BRINP1: variants seen among roughly 807,000 people sequenced by gnomAD.
The protein encoded by BRINP1 is BMP/retinoic acid inducible neural specific 1, also known as BMP/retinoic acid-inducible neural-specific protein 1.
Under a neutral mutation model 72.9 loss-of-function variants are expected in BRINP1, and 17 were observed. The ratio of observed to expected loss-of-function variants is 0.23; its 90% CI spans 0.16 to 0.35. BRINP1 has a LOEUF of 0.35. Among genes scored for constraint, BRINP1 ranks in the 10% least tolerant of loss-of-function variants. BRINP1 has a pLI of 1.00. For missense variants in BRINP1, 850 were observed against 1,001.6 expected (o/e 0.85, Z 2.04); for synonymous variants, 418 against 378.5 (o/e 1.10, Z -1.21).
chr9:119,338,632 G>T (rs964404875), intron 1 of BRINP1, among the ~76,000 whole-genome samples: 1 of 150,996 alleles, frequency 6.6e-6, no homozygotes, highest in Non-Finnish European at 1.5e-5. Context: ...CAGCACTTTG[G>T]GAGGCCGAGG....
At chr9:119,239,570 A>G (rs1830226589) in intron 4 of BRINP1, among the ~76,000 whole-genome samples, 1 of 152,190 alleles carries the variant, frequency 6.6e-6, no homozygotes, top group African/African-American at 2.4e-5. Context: ...GCATTCAGCT[A>G]TAAAAACACA....
Position 119,229,033 on chromosome 9 carries a change from T to C in BRINP1, c.685+9622A>G, listed in dbSNP as rs78898563. 3.2e-3 allele frequency among the ~76,000 whole-genome samples: 486 copies of C among 152,282 alleles called. 1 individual carries two copies. The highest frequency in any genetic ancestry group is 5.1e-3 in the Non-Finnish European group (348 of 67,994). On this transcript the variant is annotated intron_variant, in intron 5 of 7. Transcript: ENST00000265922. Reference sequence around the variant, plus strand: ...TTGAAGTTGCCAAGTACACTTTTTATGTATATGTATTTGGTTTAATCCCCT... The same window carrying C: ...TTGAAGTTGCCAAGTACACTTTTTACGTATATGTATTTGGTTTAATCCCCT...
chr9:119,272,886 T>A (rs1015496779), intron 2 of BRINP1, among the ~76,000 whole-genome samples: 1 of 152,210 alleles, frequency 6.6e-6, no homozygotes, highest in East Asian at 1.9e-4. Flanking sequence ...CTAAGTCTTG[T>A]GTAGGTCCTT....
intron 2 of BRINP1, among the ~76,000 whole-genome samples, chr9:119,296,256 A>T (rs984952192): frequency 6.6e-6 from 1 of 152,232 alleles, no homozygotes; most frequent in Non-Finnish European, 1.5e-5. Context: ...TTTCTCAAGA[A>T]GACATACAAA....
At chr9:119,270,113 T>G (rs1350052309) in intron 2 of BRINP1, among the ~76,000 whole-genome samples, 1 of 151,822 alleles carries the variant, frequency 6.6e-6, no homozygotes, top group East Asian at 2.0e-4. Flanking sequence ...GGTTGGCACT[T>G]GGTGAAAGAG....
intron 7 of BRINP1, among the ~76,000 whole-genome samples, chr9:119,184,756 T>C (rs1443178392): frequency 2.0e-5 from 3 of 152,088 alleles, no homozygotes; most frequent in Non-Finnish European, 4.4e-5. Context: ...CATTAAGTAA[T>C]CTGCTTGCAG....
intron 5 of BRINP1, among the ~76,000 whole-genome samples, chr9:119,215,551 A>G (rs779403490): frequency 9.9e-5 from 15 of 152,094 alleles, no homozygotes; most frequent in Non-Finnish European, 1.9e-4. Flanking sequence ...TGCTTCAGGG[A>G]CACTCCTTAA....
chr9:119,338,730 A>AAAAG (rs1554756002), intron 1 of BRINP1, among the ~76,000 whole-genome samples: 6 of 150,852 alleles, frequency 4.0e-5, no homozygotes, highest in African/African-American at 1.5e-4. Context: ...AAAAAAAAAA[A>AAAAG]AAGAAGAAGA....
intron 7 of BRINP1, among the ~76,000 whole-genome samples, chr9:119,169,263 T>C (rs1006385939): frequency 2.0e-5 from 3 of 152,162 alleles, no homozygotes; most frequent in Non-Finnish European, 2.9e-5. Flanking sequence ...CGCAGGTCAT[T>C]GGGTGCACGC....
intron 2 of BRINP1, among the ~76,000 whole-genome samples, chr9:119,249,557 T>TTGGAATATATATAGTTTATATA (rs1189635900): frequency 6.6e-6 from 1 of 152,064 alleles, no homozygotes; most frequent in Non-Finnish European, 1.5e-5. Flanking sequence ...TCCAAGAATA[T>TTGGAATATATATAGTTTATATA]CATGTCTAAG....
At chr9:119,199,578 G>C (rs1249892041) in intron 7 of BRINP1, among the ~76,000 whole-genome samples, 1 of 152,040 alleles carries the variant, frequency 6.6e-6, no homozygotes, top group Non-Finnish European at 1.5e-5. Flanking sequence ...AGAAATCAAA[G>C]ACCAAGCATC....
chr9:119,262,051 A>C (rs1448890960), intron 2 of BRINP1, among the ~76,000 whole-genome samples: 1 of 152,206 alleles, frequency 6.6e-6, no homozygotes, highest in East Asian at 1.9e-4. Context: ...TATATGGGCC[A>C]GGCACTTTGC....
intron 2 of BRINP1, among the ~76,000 whole-genome samples, chr9:119,297,649 CT>C (rs1830894241): frequency 6.6e-6 from 1 of 152,034 alleles, no homozygotes; most frequent in Non-Finnish European, 1.5e-5. Context: ...TTTCAACTTC[CT>C]TCTTGGTTCT....
chr9:119,250,164 A>G (rs1229519051), intron 2 of BRINP1, among the ~76,000 whole-genome samples: 1 of 151,502 alleles, frequency 6.6e-6, no homozygotes, highest in Non-Finnish European at 1.5e-5. Context: ...GAGGGTGAGA[A>G]GGAGGATATA....
intron 1 of BRINP1, among the ~76,000 whole-genome samples, chr9:119,324,239 T>C (rs1429578175): frequency 1.3e-5 from 2 of 152,082 alleles, no homozygotes; most frequent in Non-Finnish European, 2.9e-5. Flanking sequence ...GAATTTCTAG[T>C]GTACTTGTTT....
chr9:119,305,826 A>G (rs1318219071), intron 2 of BRINP1, among the ~76,000 whole-genome samples: 1 of 152,172 alleles, frequency 6.6e-6, no homozygotes, highest in East Asian at 1.9e-4. Flanking sequence ...GAAGGGATCA[A>G]TGATTTCTTC....
chr9:119,268,861 C>T (rs750985306), intron 2 of BRINP1, among the ~76,000 whole-genome samples: 1 of 152,200 alleles, frequency 6.6e-6, no homozygotes, highest in African/African-American at 2.4e-5. Flanking sequence ...TCCCATCCAA[C>T]AAGACCAAAA....
At chr9:119,363,455 A>G (rs903681246) in intron 1 of BRINP1, among the ~76,000 whole-genome samples, 3 of 152,146 alleles carry the variant, frequency 2.0e-5, no homozygotes, top group African/African-American at 7.2e-5. Context: ...ACAAAATTAC[A>G]TGGCTGATTC....
At position 119,167,250 on chromosome 9, in the gene BRINP1, G is replaced by A; in HGVS notation, c.2120C>T (p.Ala707Val). Residue 707 changes from alanine to valine, a missense_variant, in exon 8 of 8, where the codon GCC becomes GTC. By Grantham distance (64) the Ala-to-Val change is moderately conservative (BLOSUM62 0). Coordinates refer to ENST00000265922, the MANE Select transcript of BRINP1 (RefSeq NM_014618.3). The surrounding 1 kb of genome is among the most constrained non-coding windows in gnomAD (Gnocchi z 4.3). ...LDIRDRINRL[A>V]PPVAPGKPQL... ...GGGTTTCCCCGGGGCCACAGGAGGG[G>A]CCAGGCGATTAATTCGGTCCCGAAT... is the stretch of plus-strand genomic sequence containing the variant. 1 of 1,614,202 alleles carries A rather than the reference G, an allele frequency of 6.2e-7. No individual in the cohort carries two copies. The highest frequency in any genetic ancestry group is 8.5e-7 in the Non-Finnish European group (1 of 1,180,044).
Sources: allele counts gnomAD v4.1 joint callset (sites outside exome capture counted in the v4.1 genomes callset), GRCh38; gene constraint gnomAD v4.1.1; non-coding constraint Gnocchi (gnomAD v3.1); transcripts MANE v1.5; gene names NCBI Gene and HGNC (gene_info 2026-07-23, HGNC 2026-07-21).